Variants in USP45 observed in about 807,000 individuals in gnomAD.
The protein encoded by USP45 is ubiquitin specific peptidase 45.
In USP45, 89 loss-of-function variants were observed where a neutral mutation model predicts 95.8. The ratio of observed to expected loss-of-function variants is 0.93; its 90% CI spans 0.78 to 1.11. USP45 has a LOEUF of 1.11. Among genes scored for constraint, USP45 ranks in the 50% least tolerant of loss-of-function variants. The pLI is 0.00. For missense variants in USP45, 898 were observed against 942.5 expected, an observed-to-expected ratio of 0.95 and a Z score of 0.62; for synonymous variants, 281 against 316.2, an observed-to-expected ratio of 0.89 and a Z score of 1.18.
At chr6:99,502,883 T>C (rs1437236733) in intron 5 of USP45, among the ~76,000 whole-genome samples, 1 of 152,140 alleles carries the variant, frequency 6.6e-6, no homozygotes, top group African/African-American at 2.4e-5. Flanking sequence ...CCCTTCACCT[T>C]CCACCATGAT....
At chr6:99,448,126 CAG>C (rs1397882035) in intron 13 of USP45, among the ~76,000 whole-genome samples, 2 of 152,196 alleles carry the variant, frequency 1.3e-5, no homozygotes, top group Admixed American at 1.3e-4. Flanking sequence ...TTCTAAAAAT[CAG>C]AGCGCCTCTC....
chr6:99,501,060 C>T (rs1583420188), intron 5 of USP45, among the ~76,000 whole-genome samples: 1 of 152,152 alleles, frequency 6.6e-6, no homozygotes, highest in Non-Finnish European at 1.5e-5. Flanking sequence ...AAAATTATCA[C>T]GTCCATTCAC....
chr6:99,448,471 CAAG>C (rs1194823462), intron 13 of USP45, among the ~76,000 whole-genome samples: 2 of 151,928 alleles, frequency 1.3e-5, no homozygotes, highest in African/African-American at 2.4e-5. Context: ...TGAAATGAAG[CAAG>C]AAGAGAAGTT....
In USP45 at chr6:99,510,186, T is replaced by G. The variant is rs1799474605; in HGVS notation, c.35A>C (p.Glu12Ala). 2 of 1,614,090 alleles carry G rather than the reference T, an allele frequency of 1.2e-6. No homozygotes were observed. Among genetic ancestry groups the G allele is most frequent in the Non-Finnish European group, 1.7e-6 (2 of 1,179,938 alleles). Reference protein sequence around the residue: ...RVKDPTKALPEKAKRSKRPTV... With the variant: ...RVKDPTKALPAKAKRSKRPTV... ...AGGCCTTTTACTTCTTTTGGCTTTC[T>G]CAGGTAAAGCTTTAGTTGGATCTTT... The change falls in exon 2 of 18, where the codon GAG becomes GCG. Residue 12 changes from glutamate (E) to alanine (A), a missense_variant. By Grantham distance (107) the Glu-to-Ala change is moderately radical (BLOSUM62 -1). Coordinates refer to ENST00000500704, the MANE Select transcript of USP45 (RefSeq NM_001346022.3).
At chr6:99,441,168 T>C (rs35536722) in intron 15 of USP45, among the ~76,000 whole-genome samples, 1 of 4,762 alleles carries the variant, frequency 2.1e-4, no homozygotes, top group Non-Finnish European at 0.011. Context: ...CAAATTTTTG[T>C]GTATATCTAT....
At chr6:99,442,659 C>T (rs535438267) in intron 15 of USP45, among the ~76,000 whole-genome samples, 6 of 151,948 alleles carry the variant, frequency 3.9e-5, no homozygotes, top group East Asian at 1.9e-4. Flanking sequence ...CCAGCCTGGC[C>T]GACATGGTGA....
chr6:99,487,001 AG>A (rs752980779), intron 7 of USP45, among the ~76,000 whole-genome samples: 1 of 152,190 alleles, frequency 6.6e-6, no homozygotes, highest in Non-Finnish European at 1.5e-5. Flanking sequence ...GGGGAACCAC[AG>A]GGTGTCCTAG....
chr6:99,509,349 C>G (rs570810265), intron 2 of USP45, among the ~76,000 whole-genome samples: 1 of 152,252 alleles, frequency 6.6e-6, no homozygotes, highest in South Asian at 2.1e-4. Context: ...AACCAGGAAG[C>G]TGACGTTGGT....
chr6:99,465,911 AGT>A (rs1348432803), intron 11 of USP45, among the ~76,000 whole-genome samples: 4 of 152,338 alleles, frequency 2.6e-5, no homozygotes, highest in African/African-American at 9.6e-5. Context: ...TTAAGTTCAA[AGT>A]GAGTGAAGTC....
At chr6:99,501,897 T>C (rs1797441980) in intron 5 of USP45, 1 of 1,265,482 alleles carries the variant, frequency 7.9e-7, no homozygotes, top group Non-Finnish European at 1.0e-6. Flanking sequence ...AGAGTGTCTG[T>C]TATTCATGAT....
intron 13 of USP45, among the ~76,000 whole-genome samples, chr6:99,452,447 C>G (rs1291685066): frequency 6.6e-6 from 1 of 152,176 alleles, no homozygotes; most frequent in Non-Finnish European, 1.5e-5. Flanking sequence ...CACTGGCCAT[C>G]AGAGAAAAGC....
intron 13 of USP45, among the ~76,000 whole-genome samples, chr6:99,448,013 A>T (rs945246386): frequency 3.3e-5 from 5 of 152,226 alleles, no homozygotes; most frequent in Non-Finnish European, 5.9e-5. Flanking sequence ...ACTAACAAAC[A>T]GGACATCCAC....
rs188103263 is a variant in USP45, at chr6:99,490,311, C to G, written c.479-1491G>C. Among the ~76,000 whole-genome samples, 4 of 151,924 alleles carry G rather than the reference C, an allele frequency of 2.6e-5. No individual in the cohort carries two copies. In the East Asian group the frequency reaches 7.8e-4, roughly 30 times the overall value. On this transcript the variant is annotated intron_variant, in intron 5 of 17. Coordinates refer to ENST00000500704, the MANE Select transcript of USP45 (RefSeq NM_001346022.3). ...CCTAAGAAGCTGAGATTACAGGCAC[C>G]TACTACCACACCCAGCTAATTTTTG...
intron 8 of USP45, among the ~76,000 whole-genome samples, chr6:99,479,157 CAT>C (rs547607279): frequency 0.019 from 562 of 29,010 alleles, 5 homozygotes; most frequent in African/African-American, 0.019. Flanking sequence ...TGTATATATA[CAT>C]ATATACACAC....
Position 99,492,208 on chromosome 6 carries a change from C to T in USP45, c.479-3388G>A, listed in dbSNP as rs1795327488. Among the ~76,000 whole-genome samples the T allele has an allele frequency of 2.6e-5, 4 of 152,214 alleles. No individual in the cohort carries two copies. In the South Asian group the frequency reaches 8.3e-4, roughly 32 times the overall value. On this transcript the variant is annotated intron_variant, in intron 5 of 17. Transcript: ENST00000500704. ...ATGGAAAAACAGATTTTCCCCCTCC[C>T]TTCAGCAGTAAGGGACGACAAATGT...
chr6:99,465,810 T>TA (rs1179691017), intron 11 of USP45, among the ~76,000 whole-genome samples: 1 of 152,186 alleles, frequency 6.6e-6, no homozygotes, highest in Non-Finnish European at 1.5e-5. Flanking sequence ...GTCATACACT[T>TA]ACAGAAATAT....
At chr6:99,485,815 G>T (rs1793743395) in intron 7 of USP45, among the ~76,000 whole-genome samples, 1 of 152,152 alleles carries the variant, frequency 6.6e-6, no homozygotes, top group South Asian at 2.1e-4. Context: ...AAGAATACAG[G>T]ATAGGTTTAA....
chr6:99,461,746 G>A, intron 13 of USP45: 1 of 984,864 alleles, frequency 1.0e-6, no homozygotes, highest in Non-Finnish European at 1.2e-6. Context: ...CAGTACTTGT[G>A]CCTCTAGTAT....
At chr6:99,440,536 A>T (rs569473455) in intron 15 of USP45, among the ~76,000 whole-genome samples, 1 of 152,320 alleles carries the variant, frequency 6.6e-6, no homozygotes, top group East Asian at 1.9e-4. Context: ...TGTTGGAATG[A>T]AAAGATACCT....
Sources: gnomAD v4.1 joint callset for allele counts (sites outside exome capture counted in the v4.1 genomes callset) on GRCh38, gnomAD v4.1.1 for gene constraint, MANE v1.5 for transcripts, NCBI Gene and HGNC (gene_info 2026-07-23, HGNC 2026-07-21) for gene names.